Variants in MAPK10 observed in about 807,000 individuals in gnomAD.
The protein encoded by MAPK10 is mitogen-activated protein kinase 10, also known as JNK3 alpha protein kinase.
Under a neutral mutation model 59.3 loss-of-function variants are expected in MAPK10, and 25 were observed. The ratio of observed to expected loss-of-function variants is 0.42; its 90% CI spans 0.31 to 0.59. The LOEUF (loss-of-function observed/expected upper bound fraction) is 0.59. MAPK10 is among the 20% of genes least tolerant of loss of function. The pLI is 0.15. For synonymous variants in MAPK10, 190 were observed against 200.5 expected (o/e 0.95, Z 0.44); for missense variants, 351 against 568.9 (o/e 0.62, Z 3.90).
chr4:86,449,079 C>T (rs1750394203), intron 1 of MAPK10, among the ~76,000 whole-genome samples: 1 of 152,064 alleles, frequency 6.6e-6, no homozygotes, highest in African/African-American at 2.4e-5. Context: ...TGGCTCGCCA[C>T]CCCCACCGCA....
intron 9 of MAPK10, among the ~76,000 whole-genome samples, chr4:86,092,888 T>C (rs1374187162): frequency 6.6e-6 from 1 of 152,042 alleles, no homozygotes; most frequent in East Asian, 1.9e-4. Flanking sequence ...CATTCTATCA[T>C]TCCCATAGGC....
intron 2 of MAPK10, chr4:86,327,290 C>A (rs2148904929): frequency 6.6e-6 from 1 of 152,182 alleles, no homozygotes; most frequent in South Asian, 2.1e-4. Flanking sequence ...TCAAATATTT[C>A]ATTAAATTTT....
At chr4:86,443,732 A>C (rs999611065) in intron 1 of MAPK10, among the ~76,000 whole-genome samples, 1 of 152,216 alleles carries the variant, frequency 6.6e-6, no homozygotes, top group Non-Finnish European at 1.5e-5. Flanking sequence ...TCCAGGGCAC[A>C]CTAAAAGGCA....
Position 86,204,758 on chromosome 4 carries a change from T to A in MAPK10, c.-6-10351A>T, listed in dbSNP as rs115464278. ...TTGTTAAGAAATTGTATCACAGGAA[T>A]TTCCCAATTCCTTTTCTTTTTACTA... On this transcript the variant is annotated intron_variant, in intron 2 of 13. Coordinates refer to ENST00000641462, the MANE Select transcript of MAPK10 (RefSeq NM_138982.4). 7.6e-3 allele frequency among the ~76,000 whole-genome samples: 1,150 copies of A among 152,138 alleles called. 14 individuals carry two copies. Among genetic ancestry groups the A allele is most frequent in the African/African-American group, 0.026 (1,094 of 41,550 alleles).
At chr4:86,233,441 C>A (rs553422241) in intron 2 of MAPK10, among the ~76,000 whole-genome samples, 3 of 152,120 alleles carry the variant, frequency 2.0e-5, no homozygotes, top group Non-Finnish European at 4.4e-5. Flanking sequence ...AAAGACTCGG[C>A]TAAATGGGCT....
At chr4:86,335,956 G>C (rs1283435295) in intron 2 of MAPK10, among the ~76,000 whole-genome samples, 1 of 152,104 alleles carries the variant, frequency 6.6e-6, no homozygotes, top group Non-Finnish European at 1.5e-5. Flanking sequence ...CAATTGAGAT[G>C]ATACTTGGGT....
At chr4:86,208,386 C>T (rs963886958) in intron 2 of MAPK10, among the ~76,000 whole-genome samples, 3 of 148,318 alleles carry the variant, frequency 2.0e-5, no homozygotes, top group Admixed American at 2.0e-4. Context: ...AAAAGCTTAT[C>T]CACCATGATC....
chr4:86,156,907 G>A (rs1166245441), intron 4 of MAPK10, among the ~76,000 whole-genome samples: 2 of 152,002 alleles, frequency 1.3e-5, no homozygotes, highest in African/African-American at 2.4e-5. Context: ...GAACTTCTCA[G>A]CTCACACAGT....
At chr4:86,445,003 C>T (rs1273527313) in intron 1 of MAPK10, among the ~76,000 whole-genome samples, 2 of 152,180 alleles carry the variant, frequency 1.3e-5, no homozygotes, top group African/African-American at 4.8e-5. Flanking sequence ...TTGTGGAAGA[C>T]AGTGTGGCGA....
chr4:86,036,886 C>T (rs922343837), intron 11 of MAPK10, among the ~76,000 whole-genome samples: 2 of 152,146 alleles, frequency 1.3e-5, no homozygotes, highest in East Asian at 3.9e-4. Flanking sequence ...AATGTTGTGA[C>T]ATGGCATGTT....
chr4:86,297,156 C>A (rs2095380603), intron 2 of MAPK10, among the ~76,000 whole-genome samples: 1 of 152,146 alleles, frequency 6.6e-6, no homozygotes, highest in Non-Finnish European at 1.5e-5. Flanking sequence ...GATGTATTTT[C>A]AAGAAACTCA....
At chr4:86,305,693 C>T (rs534103402) in intron 2 of MAPK10, among the ~76,000 whole-genome samples, 1 of 152,048 alleles carries the variant, frequency 6.6e-6, no homozygotes, top group Non-Finnish European at 1.5e-5. Context: ...GTGGCCAGTG[C>T]CTGTAATCCC....
intron 2 of MAPK10, among the ~76,000 whole-genome samples, chr4:86,280,928 A>T (rs2094776409): frequency 6.6e-6 from 1 of 152,082 alleles, no homozygotes; most frequent in Non-Finnish European, 1.5e-5. Context: ...GGAACAAAAG[A>T]CACTTGGGAC....
intron 1 of MAPK10, among the ~76,000 whole-genome samples, chr4:86,579,808 T>C (rs116678971): frequency 0.032 from 4,801 of 152,184 alleles, 236 homozygotes; most frequent in African/African-American, 0.1. Context: ...GTATGTTTTC[T>C]ATGTTTTAGA....
chr4:86,354,268 A>C (rs1406820583), intron 2 of MAPK10, among the ~76,000 whole-genome samples: 2 of 152,126 alleles, frequency 1.3e-5, no homozygotes, highest in Non-Finnish European at 2.9e-5. Context: ...TGAAAATGTT[A>C]ATTGCAGGTA....
At chr4:86,022,234 A>G (rs1247646980) in intron 13 of MAPK10, among the ~76,000 whole-genome samples, 3 of 152,202 alleles carry the variant, frequency 2.0e-5, no homozygotes, top group African/African-American at 7.2e-5. Context: ...TGAGGATTCC[A>G]ATTTCTCTAC....
At chr4:86,486,419 T>C (rs1754001337) in intron 1 of MAPK10, among the ~76,000 whole-genome samples, 1 of 152,180 alleles carries the variant, frequency 6.6e-6, no homozygotes. Flanking sequence ...TCACATGATT[T>C]TGACAATATA....
At chr4:86,165,147 C>G (rs2071183417) in intron 3 of MAPK10, among the ~76,000 whole-genome samples, 1 of 152,092 alleles carries the variant, frequency 6.6e-6, no homozygotes, top group African/African-American at 2.4e-5. Flanking sequence ...TTAGTATGGT[C>G]ATTTGGATAC....
intron 2 of MAPK10, among the ~76,000 whole-genome samples, chr4:86,259,555 T>C (rs1362940625): frequency 6.6e-6 from 1 of 152,076 alleles, no homozygotes; most frequent in African/African-American, 2.4e-5. Flanking sequence ...CCAGGAAGCA[T>C]TCAAACCACA....
Sources: gnomAD v4.1 joint callset for allele counts (sites outside exome capture counted in the v4.1 genomes callset) on GRCh38, gnomAD v4.1.1 for gene constraint, MANE v1.5 for transcripts, NCBI Gene and HGNC (gene_info 2026-07-23, HGNC 2026-07-21) for gene names.